Variants in LRP1B observed in about 807,000 individuals in gnomAD.
LRP1B encodes the protein low-density lipoprotein receptor-related protein 1B.
In LRP1B, 217 loss-of-function variants were observed where a neutral mutation model predicts 556.6. The ratio of observed to expected loss-of-function variants is 0.39; its 90% CI spans 0.35 to 0.44. The LOEUF (loss-of-function observed/expected upper bound fraction) is 0.44. LRP1B is among the 20% of genes least tolerant of loss of function. The pLI is 1.00. For synonymous variants in LRP1B, 2,047 were observed against 1,865.8 expected (o/e 1.10, Z -2.50); for missense variants, 5,053 against 5,620.8 (o/e 0.90, Z 3.23).
At chr2:140,306,279 G>C (rs1479075756) in intron 83 of LRP1B, among the ~76,000 whole-genome samples, 1 of 151,910 alleles carries the variant, frequency 6.6e-6, no homozygotes, top group Non-Finnish European at 1.5e-5. Context: ...AATCTGTCTG[G>C]TCCTGTACTT....
At position 141,176,266 on chromosome 2, in the gene LRP1B, G is replaced by A. The variant is rs149055454; in HGVS notation, c.1013+12155C>T. 5.3e-5 allele frequency among the ~76,000 whole-genome samples: 8 copies of A among 152,130 alleles called. No individual in the cohort carries two copies. In the East Asian group the frequency reaches 1.4e-3, roughly 26 times the overall value. ...GACATGAGATTTGGGAGGGGCAGTG[G>A]TGCAATGAGGTGGTTTGACTGTGTC... On this transcript the variant is annotated intron_variant, in intron 7 of 90. Transcript: ENST00000389484.
chr2:140,521,849 A>C (rs1433073675), intron 49 of LRP1B, among the ~76,000 whole-genome samples: 1 of 151,968 alleles, frequency 6.6e-6, no homozygotes, highest in African/African-American at 2.4e-5. Context: ...AATGGAAAAC[A>C]AAAAAAGAGC....
At chr2:141,887,735 T>C (rs939877259) in intron 1 of LRP1B, among the ~76,000 whole-genome samples, 8 of 152,232 alleles carry the variant, frequency 5.3e-5, no homozygotes, top group Non-Finnish European at 1.2e-4. Context: ...CTAAGAATTC[T>C]TGTCCACAAA....
intron 5 of LRP1B, 77 bp downstream of exon 5, chr2:141,247,149 A>G: frequency 2.6e-6 from 4 of 1,529,714 alleles, no homozygotes; most frequent in Non-Finnish European, 9.0e-7. Flanking sequence ...CTGCTATACC[A>G]CATCTCTAAT....
chr2:140,270,304 A>G lies in LRP1B; in HGVS notation c.13185T>C (p.Asp4395=), dbSNP rs1195448814. The part of the protein sequence containing the change: ...GKIASSCQLC[D]GYCYNGGTCQ... ...ATGTGCCACCATTGTAACAGTAGCC[A>G]TCACATAACTGACAGCTAGAGGCAA... The change falls in exon 86 of 91, where the codon GAT becomes GAC. Residue 4395 remains aspartate, a synonymous_variant. Transcript: ENST00000389484. The G allele has an allele frequency of 1.2e-6, 2 of 1,612,286 alleles. No homozygotes were observed. The highest frequency in any genetic ancestry group is 2.2e-5 in the East Asian group (1 of 44,808).
chr2:141,117,031 C>A (rs1332071840), intron 7 of LRP1B, among the ~76,000 whole-genome samples: 1 of 152,010 alleles, frequency 6.6e-6, no homozygotes, highest in African/African-American at 2.4e-5. Flanking sequence ...TTATTAAAAT[C>A]TTCCTTAATC....
intron 2 of LRP1B, among the ~76,000 whole-genome samples, chr2:141,544,313 C>CTTCTTCTTCTTCTTCTTCTTCTT (rs1553533085): frequency 0.013 from 335 of 25,438 alleles, 16 homozygotes; most frequent in South Asian, 0.026. Context: ...TCTTCTTCTT[C>CTTCTTCTTCTTCTTCTTCTTCTT]TTCTTCTTCT....
chr2:141,249,466 G>A (rs1364135212), intron 4 of LRP1B, among the ~76,000 whole-genome samples: 1 of 152,102 alleles, frequency 6.6e-6, no homozygotes, highest in Non-Finnish European at 1.5e-5. Context: ...GCATGGTGGT[G>A]TACACTTGTT....
rs78429940 is a variant in LRP1B, at chr2:140,575,414, G to A, written c.7194+23217C>T. 3.7e-3 allele frequency among the ~76,000 whole-genome samples: 557 copies of A among 152,240 alleles called. 7 individuals carry two copies. The highest frequency in any genetic ancestry group is 0.033 in the East Asian group (171 of 5,174). On this transcript the variant is annotated intron_variant, in intron 43 of 90. Coordinates refer to ENST00000389484, the MANE Select transcript of LRP1B (RefSeq NM_018557.3). The stretch of plus-strand genomic sequence containing the variant: ...GACATAATTAACTAAATTAATTAAT[G>A]TGTGCTCATATCATGGTGTATTATT...
intron 18 of LRP1B, among the ~76,000 whole-genome samples, chr2:140,979,819 T>C (rs776076745): frequency 6.6e-6 from 1 of 152,148 alleles, no homozygotes; most frequent in Non-Finnish European, 1.5e-5. Flanking sequence ...GGTCCCACTA[T>C]TTATTAGCTT....
intron 3 of LRP1B, among the ~76,000 whole-genome samples, chr2:141,260,606 G>T: frequency 6.6e-6 from 1 of 152,136 alleles, no homozygotes; most frequent in East Asian, 1.9e-4. Flanking sequence ...GCTATCTTTT[G>T]TGTATAGCTA....
intron 3 of LRP1B, among the ~76,000 whole-genome samples, chr2:141,357,437 A>G (rs1312094963): frequency 3.9e-5 from 6 of 152,214 alleles, no homozygotes; most frequent in Non-Finnish European, 7.3e-5. Context: ...TGTAACCACT[A>G]TTTTGTAACT....
chr2:141,245,073 G>C (rs300361), intron 5 of LRP1B, among the ~76,000 whole-genome samples: 152,003 of 152,316 alleles, frequency 1, 75,845 homozygotes, highest in Non-Finnish European at 1. Context: ...GGGTCTATTA[G>C]ATTACACTCT....
chr2:141,188,651 T>C (rs2105194480), intron 6 of LRP1B, 68 bp from the exon 7 acceptor site: 8 of 1,395,258 alleles, frequency 5.7e-6, no homozygotes, highest in Non-Finnish European at 8.0e-6. Context: ...AAAAATAACA[T>C]AAGTGTTTCC....
chr2:140,372,884 A>G (rs1683054307), intron 69 of LRP1B, 124 bp downstream of exon 69: 6 of 989,838 alleles, frequency 6.1e-6, no homozygotes, highest in Non-Finnish European at 7.7e-6. Flanking sequence ...AGATTTGCAG[A>G]CCCTTTCTTA....
chr2:140,731,977 G>T (rs1223166154), intron 35 of LRP1B, among the ~76,000 whole-genome samples: 1 of 152,022 alleles, frequency 6.6e-6, no homozygotes, highest in African/African-American at 2.4e-5. Flanking sequence ...AAGCAATTTT[G>T]TAACTCTGAA....
chr2:140,890,329 T>C (rs1693762115), intron 23 of LRP1B, among the ~76,000 whole-genome samples: 1 of 152,178 alleles, frequency 6.6e-6, no homozygotes, highest in Non-Finnish European at 1.5e-5. Flanking sequence ...TGTGAATGAC[T>C]TATTCTAAAT....
At chr2:141,051,536 T>A (rs868712976) in intron 10 of LRP1B, among the ~76,000 whole-genome samples, 1 of 151,892 alleles carries the variant, frequency 6.6e-6, no homozygotes, top group Non-Finnish European at 1.5e-5. Context: ...ACTGATAACA[T>A]ATTTTAATAT....
chr2:141,107,968 GTACTCAT>G (rs1700649804), intron 7 of LRP1B, among the ~76,000 whole-genome samples: 1 of 152,074 alleles, frequency 6.6e-6, no homozygotes, highest in Admixed American at 6.6e-5. Flanking sequence ...GTGCTACCAA[GTACTCAT>G]TATATCAGCT....
Sources: allele counts gnomAD v4.1 joint callset (sites outside exome capture counted in the v4.1 genomes callset), GRCh38; gene constraint gnomAD v4.1.1; transcripts MANE v1.5; gene names NCBI Gene and HGNC (gene_info 2026-07-23, HGNC 2026-07-21).